Variants in HDAC9 observed in about 807,000 individuals in gnomAD.
The protein encoded by HDAC9 is histone deacetylase 9.
A neutral mutation model predicts 139.4 loss-of-function variants in HDAC9; 41 were observed. The observed-to-expected ratio is 0.29, with a 90% CI of 0.23 to 0.38. The LOEUF is 0.38. Among genes scored for constraint, HDAC9 ranks in the 10% least tolerant of loss-of-function variants. The pLI is 1.00. For synonymous variants in HDAC9, 517 were observed against 476.2 expected (o/e 1.09, Z -1.12); for missense variants, 1,147 against 1,297.0 (o/e 0.88, Z 1.78).
intron 2 of HDAC9, among the ~76,000 whole-genome samples, chr7:18,176,278 C>G (rs1788895179): frequency 6.6e-6 from 1 of 152,124 alleles, no homozygotes; most frequent in African/African-American, 2.4e-5. Context: ...ATCTCCAGTG[C>G]TTTCTGAAGA....
At chr7:18,529,231 T>G (rs1325824119) in intron 2 of HDAC9, among the ~76,000 whole-genome samples, 3 of 152,156 alleles carry the variant, frequency 2.0e-5, no homozygotes, top group African/African-American at 7.2e-5. Context: ...CCAGATAACC[T>G]TCCAAGGAAA....
intron 1 of HDAC9, among the ~76,000 whole-genome samples, chr7:18,458,099 C>G (rs994306308): frequency 6.6e-6 from 1 of 152,116 alleles, no homozygotes; most frequent in African/African-American, 2.4e-5. Context: ...AGAGTAGGTG[C>G]CTTTGTGCTG....
At chr7:18,611,142 A>C (rs1310360290) in intron 6 of HDAC9, among the ~76,000 whole-genome samples, 1 of 152,172 alleles carries the variant, frequency 6.6e-6, no homozygotes, top group East Asian at 1.9e-4. Context: ...GAGAATAAAG[A>C]ATGTAATAGC....
chr7:18,140,424 T>C (rs1275191729), intron 1 of HDAC9, among the ~76,000 whole-genome samples: 1 of 152,184 alleles, frequency 6.6e-6, no homozygotes. Flanking sequence ...AAAAAAATAC[T>C]GTCTTCCACC....
chr7:18,741,349 A>G (rs921866070), intron 13 of HDAC9, among the ~76,000 whole-genome samples: 1 of 152,184 alleles, frequency 6.6e-6, no homozygotes, highest in Non-Finnish European at 1.5e-5. Flanking sequence ...TCCTCAAAAT[A>G]CTGTGCCCTT....
chr7:18,262,228 A>T (rs1474765444), intron 2 of HDAC9, among the ~76,000 whole-genome samples: 4 of 152,226 alleles, frequency 2.6e-5, no homozygotes, highest in African/African-American at 9.6e-5. Context: ...CAAGAGAGAT[A>T]ATCTTGAAAG....
At chr7:18,881,119 A>T (rs1220016326) in intron 22 of HDAC9, among the ~76,000 whole-genome samples, 1 of 152,078 alleles carries the variant, frequency 6.6e-6, no homozygotes, top group Non-Finnish European at 1.5e-5. Context: ...CCGATAAACA[A>T]ATGCCAAGAA....
chr7:18,557,830 C>A (rs991394458), intron 2 of HDAC9, among the ~76,000 whole-genome samples: 1 of 151,144 alleles, frequency 6.6e-6, no homozygotes, highest in African/African-American at 2.4e-5. Flanking sequence ...ATATTAGGGG[C>A]TTAATAAATA....
intron 2 of HDAC9, among the ~76,000 whole-genome samples, chr7:18,175,147 T>C (rs998268466): frequency 6.6e-6 from 1 of 152,216 alleles, no homozygotes; most frequent in African/African-American, 2.4e-5. Context: ...GTTTATCTAC[T>C]CAAGCGTCAG....
chr7:18,999,623 G>C lies in HDAC9; in HGVS notation c.*3561G>C, dbSNP rs1334079210. On this transcript the variant is annotated 3_prime_UTR_variant, in exon 26 of 26. Coordinates refer to ENST00000686413, the MANE Select transcript of HDAC9 (RefSeq NM_178425.4). ...CTGGCTAATTTTTGTATTTTTAGTA[G>C]AGACGGGGTTTCTCCATGTTGGTCA... The C allele has an allele frequency of 1.3e-5, 2 of 152,088 alleles. No individual in the cohort carries two copies. The highest frequency in any genetic ancestry group is 2.9e-5 in the Non-Finnish European group (2 of 68,048). The allele number at this position is 152,088 out of a possible 1,614,324, so 9.4% of individuals were successfully genotyped here.
At chr7:18,549,302 G>T (rs1457001619) in intron 2 of HDAC9, among the ~76,000 whole-genome samples, 1 of 152,146 alleles carries the variant, frequency 6.6e-6, no homozygotes, top group Non-Finnish European at 1.5e-5. Context: ...CTGGAAATTT[G>T]TCCTACAAAA....
intron 2 of HDAC9, among the ~76,000 whole-genome samples, chr7:18,561,635 AT>A (rs1444260458): frequency 4.7e-5 from 6 of 128,642 alleles, no homozygotes; most frequent in East Asian, 2.2e-4. Flanking sequence ...TCACTAATCT[AT>A]TTTTTTATCT....
chr7:18,360,256 TG>T (rs1393695242), intron 1 of HDAC9, among the ~76,000 whole-genome samples: 2 of 152,254 alleles, frequency 1.3e-5, no homozygotes, highest in Non-Finnish European at 2.9e-5. Flanking sequence ...ACCAAGTGGA[TG>T]GACTTCCTTT....
intron 2 of HDAC9, among the ~76,000 whole-genome samples, chr7:18,522,583 G>A (rs1805406447): frequency 6.7e-6 from 1 of 149,780 alleles, no homozygotes; most frequent in Admixed American, 6.6e-5. Flanking sequence ...AAAAAAGCAG[G>A]GTGGTTTTTT....
rs1799231401 is a variant in HDAC9, at chr7:18,310,427, T to A, written c.-42+19912T>A. On this transcript the variant is annotated intron_variant, in intron 1 of 3. Transcript: ENST00000413509. ...ATGTGTGTCCTGAAACTGAATTTGG[T>A]CAGTAAAGTAAGAGTTAGCCTGTGT... Among the ~76,000 whole-genome samples the A allele has an allele frequency of 2.6e-5, 4 of 152,154 alleles. No individual in the cohort carries two copies. In the South Asian group the frequency reaches 8.3e-4, roughly 32 times the overall value.
intron 3 of HDAC9, among the ~76,000 whole-genome samples, chr7:18,586,534 G>T (rs1829512486): frequency 6.6e-6 from 1 of 152,022 alleles, no homozygotes; most frequent in Non-Finnish European, 1.5e-5. Context: ...TTGATAGAGG[G>T]TTGATACAGA....
intron 1 of HDAC9, among the ~76,000 whole-genome samples, chr7:18,397,989 A>G (rs1787205717): frequency 6.6e-6 from 1 of 152,210 alleles, no homozygotes; most frequent in Non-Finnish European, 1.5e-5. Context: ...CAGCCACATC[A>G]TCTTACAGAT....
chr7:18,252,468 A>T (rs1282368322), intron 2 of HDAC9, among the ~76,000 whole-genome samples: 1 of 152,172 alleles, frequency 6.6e-6, no homozygotes, highest in Non-Finnish European at 1.5e-5. Flanking sequence ...TATATGTAGG[A>T]TATATATCCT....
Position 18,585,284 on chromosome 7 carries a change from A to C in HDAC9, c.26A>C (p.Asp9Ala). 1 of 1,587,596 alleles carries C rather than the reference A, an allele frequency of 6.3e-7. No individual in the cohort carries two copies. Among genetic ancestry groups the C allele is most frequent in the East Asian group, 2.3e-5 (1 of 43,226 alleles). Reference protein sequence around the residue: MHSMISSVDVKSEVPVGLE... With the variant: MHSMISSVAVKSEVPVGLE... ...CCCTTTTTTTCTGGTTCTTTAGTGG[A>C]TGTGAAGTCAGAAGTTCCTGTGGGC... Residue 9 changes from aspartate (D) to alanine (A), a missense_variant, in exon 3 of 26, where the codon GAT becomes GCT. Coordinates refer to ENST00000686413, the MANE Select transcript of HDAC9 (RefSeq NM_178425.4).
Sources: allele counts gnomAD v4.1 joint callset (sites outside exome capture counted in the v4.1 genomes callset), GRCh38; gene constraint gnomAD v4.1.1; transcripts MANE v1.5; gene names NCBI Gene and HGNC (gene_info 2026-07-23, HGNC 2026-07-21).